The following GATAD2B variants were observed in gnomAD, a reference collection of about 807,000 sequenced individuals.
The protein encoded by GATAD2B is transcriptional repressor p66-beta.
Under a neutral mutation model 64.3 loss-of-function variants are expected in GATAD2B, and 8 were observed. That is an observed-to-expected ratio of 0.12 (90% CI 0.07 to 0.22). The LOEUF (loss-of-function observed/expected upper bound fraction) is 0.22, where lower values mean the gene tolerates loss of function less well. Among genes scored for constraint, GATAD2B ranks in the 10% least tolerant of loss-of-function variants. The probability of loss-of-function intolerance (pLI) is 1.00; values close to 1 mark genes in which losing one functional copy is unlikely to be tolerated. For synonymous variants in GATAD2B, 281 were observed against 271.3 expected, an observed-to-expected ratio of 1.04 and a Z score of -0.35; for missense variants, 453 against 752.0, an observed-to-expected ratio of 0.60 and a Z score of 4.65.
intron 1 of GATAD2B, among the ~76,000 whole-genome samples, chr1:153,833,481 C>T (rs1381155447): frequency 6.6e-6 from 1 of 152,104 alleles, no homozygotes; most frequent in Non-Finnish European, 1.5e-5. Context: ...ACTCTACAGA[C>T]CATGAATCAA....
chr1:153,829,239 C>T (rs766459268), intron 1 of GATAD2B, among the ~76,000 whole-genome samples: 9 of 152,092 alleles, frequency 5.9e-5, no homozygotes, highest in Non-Finnish European at 1.2e-4. Context: ...AATGCAAATT[C>T]AGATTTAGAT....
chr1:153,886,675 T>C (rs1223957152), intron 1 of GATAD2B, among the ~76,000 whole-genome samples: 2 of 151,576 alleles, frequency 1.3e-5, no homozygotes, highest in Admixed American at 6.6e-5. Context: ...CCTCAGCCTC[T>C]CGACTAGCTG....
intron 1 of GATAD2B, among the ~76,000 whole-genome samples, chr1:153,861,795 A>AAAAAAAAAAAAAAATAC (rs371843941): frequency 1.0e-5 from 1 of 98,550 alleles, no homozygotes; most frequent in African/African-American, 3.6e-5. Flanking sequence ...AAAAAAAAAA[A>AAAAAAAAAAAAAAATAC]ATATATATAT....
chr1:153,834,531 G>A (rs1407962074), intron 1 of GATAD2B, among the ~76,000 whole-genome samples: 1 of 152,042 alleles, frequency 6.6e-6, no homozygotes, highest in Non-Finnish European at 1.5e-5. Context: ...TGGGATTACA[G>A]GCATGTGCCA....
chr1:153,855,754 A>G (rs1434812110), intron 1 of GATAD2B, among the ~76,000 whole-genome samples: 1 of 152,014 alleles, frequency 6.6e-6, no homozygotes, highest in East Asian at 1.9e-4. Flanking sequence ...GGCTCACTGC[A>G]ACCTCTGCCT....
chr1:153,883,532 T>C (rs952735172), intron 1 of GATAD2B, among the ~76,000 whole-genome samples: 1 of 152,178 alleles, frequency 6.6e-6, no homozygotes, highest in Admixed American at 6.5e-5. Flanking sequence ...GCAAGCAAAA[T>C]AGATTATTTC....
chr1:153,912,967 C>T (rs933149772), intron 1 of GATAD2B, among the ~76,000 whole-genome samples: 1 of 152,026 alleles, frequency 6.6e-6, no homozygotes, highest in East Asian at 1.9e-4. Context: ...GTGGAGGGCA[C>T]CTCCCAGCTA....
At chr1:153,900,369 G>A (rs1160763138) in intron 1 of GATAD2B, among the ~76,000 whole-genome samples, 1 of 151,746 alleles carries the variant, frequency 6.6e-6, no homozygotes, top group African/African-American at 2.4e-5. Flanking sequence ...ACAGTGAGCC[G>A]AGATCATGCC....
intron 1 of GATAD2B, among the ~76,000 whole-genome samples, chr1:153,900,351 C>T (rs1324538124): frequency 6.6e-6 from 1 of 151,474 alleles, no homozygotes; most frequent in East Asian, 1.9e-4. Context: ...ACCAGGGAGG[C>T]GGAGGTTACA....
chr1:153,821,692 T>C (rs1308013452), intron 2 of GATAD2B, among the ~76,000 whole-genome samples: 1 of 151,936 alleles, frequency 6.6e-6, no homozygotes, highest in Non-Finnish European at 1.5e-5. Context: ...TCAGCCTCAG[T>C]AGCTGGGATT....
At chr1:153,902,469 T>C (rs1036849095) in intron 1 of GATAD2B, among the ~76,000 whole-genome samples, 4 of 152,068 alleles carry the variant, frequency 2.6e-5, no homozygotes, top group African/African-American at 9.7e-5. Context: ...TATTCCTTTT[T>C]TTGAGACAGG....
At chr1:153,916,725 G>C (rs1469073340) in intron 1 of GATAD2B, among the ~76,000 whole-genome samples, 1 of 152,124 alleles carries the variant, frequency 6.6e-6, no homozygotes, top group African/African-American at 2.4e-5. Context: ...TTTTATGCTT[G>C]TATTTCATAC....
chr1:153,818,314 CTTTTTTT>C (rs35175263), intron 4 of GATAD2B, 143 bp from the exon 5 acceptor site: 13 of 319,920 alleles, frequency 4.1e-5, no homozygotes, highest in Non-Finnish European at 5.4e-5. Flanking sequence ...TCAAGGTTTT[CTTTTTTT>C]TTTTTTTTTT....
intron 1 of GATAD2B, among the ~76,000 whole-genome samples, chr1:153,892,870 T>A (rs1570994894): frequency 6.6e-6 from 1 of 152,008 alleles, no homozygotes; most frequent in South Asian, 2.1e-4. Flanking sequence ...AATTTTTGTA[T>A]TTTTAGTAGA....
chr1:153,862,203 A>G (rs1407460988), intron 1 of GATAD2B, among the ~76,000 whole-genome samples: 2 of 145,644 alleles, frequency 1.4e-5, no homozygotes, highest in Non-Finnish European at 1.5e-5. Context: ...GCTCACTGCA[A>G]ACTCCACCTC....
At chr1:153,914,227 C>CAAAAAAAAAAA (rs759245034) in intron 1 of GATAD2B, among the ~76,000 whole-genome samples, 1 of 65,982 alleles carries the variant, frequency 1.5e-5, no homozygotes, top group East Asian at 4.5e-4. Flanking sequence ...CCCAGACTCT[C>CAAAAAAAAAAA]AAAAAAAAAA....
chr1:153,836,958 G>A (rs1484183121), intron 1 of GATAD2B, among the ~76,000 whole-genome samples: 1 of 152,180 alleles, frequency 6.6e-6, no homozygotes, highest in Non-Finnish European at 1.5e-5. Context: ...CCAGATACCT[G>A]AATGTCTGAG....
At chr1:153,907,637 ATTT>A (rs531249482) in intron 1 of GATAD2B, among the ~76,000 whole-genome samples, 1 of 141,746 alleles carries the variant, frequency 7.1e-6, no homozygotes, top group Non-Finnish European at 1.5e-5. Context: ...AAAAGGGTAA[ATTT>A]TTTTTTTTTT....
In GATAD2B at chr1:153,817,353, G is replaced by A. The variant is rs1674511623; in HGVS notation, c.900+19C>T. On this transcript the variant is annotated intron_variant, in intron 6 of 10. Transcript: ENST00000368655. ...AAGGGATTTCTCTGTTTCCACATTA[G>A]GGCTCAGCTCTCTCTTACCGGTTGA... The A allele has an allele frequency of 3.3e-6, 5 of 1,512,574 alleles. No homozygotes were observed. In the East Asian group the frequency reaches 1.2e-4, roughly 36 times the overall value. The allele number at this position is 1,512,574 out of a possible 1,614,324, so 93.7% of individuals were successfully genotyped here. A position where few individuals can be genotyped will look rare whatever the true frequency, so the allele number is the denominator to read the frequency against.
Sources: gnomAD v4.1 joint callset for allele counts (sites outside exome capture counted in the v4.1 genomes callset) on GRCh38, gnomAD v4.1.1 for gene constraint, MANE v1.5 for transcripts, NCBI Gene and HGNC (gene_info 2026-07-23, HGNC 2026-07-21) for gene names.